RORA: variants seen among roughly 807,000 people sequenced by gnomAD.
The protein encoded by RORA is nuclear receptor ROR-alpha.
RORA carries 7 observed loss-of-function variants against 69.5 expected under a neutral mutation model. The observed-to-expected ratio is 0.10, with a 90% CI of 0.06 to 0.19. The LOEUF is 0.19. Ranked by LOEUF, RORA falls within the 10% of genes least tolerant of loss-of-function variation. The pLI is 1.00. For missense variants in RORA, 457 were observed against 663.0 expected, an observed-to-expected ratio of 0.69 and a Z score of 3.41; for synonymous variants, 261 against 240.8, an observed-to-expected ratio of 1.08 and a Z score of -0.78.
intron 1 of RORA, among the ~76,000 whole-genome samples, chr15:61,200,130 A>C (rs1192889957): frequency 6.6e-6 from 1 of 152,234 alleles, no homozygotes; most frequent in African/African-American, 2.4e-5. Flanking sequence ...GACACAGAGA[A>C]ATCAAAGTTG....
chr15:61,153,640 T>C (rs929985657), intron 1 of RORA, among the ~76,000 whole-genome samples: 3 of 152,238 alleles, frequency 2.0e-5, no homozygotes, highest in Non-Finnish European at 2.9e-5. Context: ...TTTTTGTTAA[T>C]TGATTTGCAT....
chr15:61,208,658 G>A (rs1270172797), intron 1 of RORA, among the ~76,000 whole-genome samples: 1 of 152,156 alleles, frequency 6.6e-6, no homozygotes, highest in African/African-American at 2.4e-5. Flanking sequence ...GAGCTGGCAG[G>A]AAGCTGTAGT....
chr15:61,162,940 G>C (rs1333713583), intron 1 of RORA, among the ~76,000 whole-genome samples: 1 of 152,182 alleles, frequency 6.6e-6, no homozygotes, highest in Non-Finnish European at 1.5e-5. Flanking sequence ...AGCAGGTCTT[G>C]CCACCTATGC....
chr15:61,069,115 G>A (rs1347221298), intron 1 of RORA, among the ~76,000 whole-genome samples: 1 of 152,190 alleles, frequency 6.6e-6, no homozygotes, highest in African/African-American at 2.4e-5. Context: ...CTAAAAGCTT[G>A]TATTGTTTAT....
intron 1 of RORA, among the ~76,000 whole-genome samples, chr15:60,876,311 T>G (rs1485682963): frequency 4.1e-3 from 416 of 102,268 alleles, no homozygotes; most frequent in Non-Finnish European, 5.2e-3. Context: ...TTACAGGAAG[T>G]GGGGGGGGGG....
At chr15:60,548,694 G>A (rs1406584096) in intron 2 of RORA, among the ~76,000 whole-genome samples, 1 of 152,152 alleles carries the variant, frequency 6.6e-6, no homozygotes, top group African/African-American at 2.4e-5. Context: ...CTGGAGTGCA[G>A]TGGCGCGATC....
At chr15:60,746,125 TTATAAG>T (rs2071644762) in intron 1 of RORA, among the ~76,000 whole-genome samples, 1 of 152,196 alleles carries the variant, frequency 6.6e-6, no homozygotes, top group African/African-American at 2.4e-5. Context: ...CTTCGTGGAT[TTATAAG>T]TATGTGTCCA....
intron 2 of RORA, chr15:60,677,154 C>T: frequency 2.2e-6 from 1 of 456,024 alleles, no homozygotes; most frequent in South Asian, 1.5e-5. Flanking sequence ...TACTTACCAC[C>T]TCTAGAGTGG....
chr15:61,024,483 C>T (rs967885856), intron 1 of RORA, among the ~76,000 whole-genome samples: 27 of 147,830 alleles, frequency 1.8e-4, no homozygotes, highest in African/African-American at 6.2e-4. Context: ...GAGTCTCCCT[C>T]TGTCACCCAG....
chr15:60,680,358 C>T (rs2070624979), intron 1 of RORA, among the ~76,000 whole-genome samples: 1 of 152,208 alleles, frequency 6.6e-6, no homozygotes, highest in African/African-American at 2.4e-5. Flanking sequence ...ACTATTTTCT[C>T]TTGACATCCA....
chr15:61,035,915 A>G (rs1280941824), intron 1 of RORA, among the ~76,000 whole-genome samples: 1 of 152,198 alleles, frequency 6.6e-6, no homozygotes, highest in Non-Finnish European at 1.5e-5. Flanking sequence ...AAATACACAA[A>G]TAAACCAACA....
intron 1 of RORA, among the ~76,000 whole-genome samples, chr15:61,019,497 A>G (rs4775346): frequency 0.99 from 150,213 of 152,276 alleles, 74,128 homozygotes; most frequent in Middle Eastern, 1. Context: ...TGCACCTCAA[A>G]CTGAGGACAG....
intron 1 of RORA, among the ~76,000 whole-genome samples, chr15:60,961,697 C>T (rs111634478): frequency 5.3e-5 from 8 of 152,246 alleles, no homozygotes; most frequent in South Asian, 2.1e-4. Context: ...TTTAATCCAC[C>T]GATATATGTT....
At chr15:61,170,744 C>G (rs2140893042) in intron 1 of RORA, among the ~76,000 whole-genome samples, 1 of 152,308 alleles carries the variant, frequency 6.6e-6, no homozygotes, top group Non-Finnish European at 1.5e-5. Context: ...CCAGCACTAG[C>G]AGTCAAAAGA....
intron 1 of RORA, among the ~76,000 whole-genome samples, chr15:61,180,052 G>A (rs903458968): frequency 6.9e-5 from 10 of 145,516 alleles, no homozygotes; most frequent in African/African-American, 2.0e-4. Flanking sequence ...GCTGTGGCAC[G>A]AGAATCACTT....
intron 1 of RORA, among the ~76,000 whole-genome samples, chr15:61,009,829 T>C (rs1371236021): frequency 1.3e-5 from 2 of 152,216 alleles, no homozygotes; most frequent in African/African-American, 4.8e-5. Flanking sequence ...TTCATTACTT[T>C]GGACATGGGC....
At chr15:60,619,611 A>G (rs1354538519) in intron 2 of RORA, among the ~76,000 whole-genome samples, 1 of 152,188 alleles carries the variant, frequency 6.6e-6, no homozygotes, top group Non-Finnish European at 1.5e-5. Flanking sequence ...CCTTCCCCTC[A>G]TCTCATAGCA....
chr15:61,150,681 T>C (rs946431788), intron 1 of RORA, among the ~76,000 whole-genome samples: 4 of 152,190 alleles, frequency 2.6e-5, no homozygotes, highest in Non-Finnish European at 5.9e-5. Flanking sequence ...TTCGGCTAAG[T>C]AGTAACTCAG....
chr15:61,186,673 A>G (rs190154553), intron 1 of RORA, among the ~76,000 whole-genome samples: 94 of 151,456 alleles, frequency 6.2e-4, no homozygotes, highest in African/African-American at 2.2e-3. Context: ...AAAAAGGGAA[A>G]AAGAAAAAGA....
Sources: allele counts gnomAD v4.1 joint callset (sites outside exome capture counted in the v4.1 genomes callset), GRCh38; gene constraint gnomAD v4.1.1; transcripts MANE v1.5; gene names NCBI Gene and HGNC (gene_info 2026-07-23, HGNC 2026-07-21).